Variants in TMEM223 observed in about 807,000 individuals in gnomAD.
TMEM223 encodes transmembrane protein 223.
In TMEM223, 14 loss-of-function variants were observed where a neutral mutation model predicts 14.1. The observed-to-expected ratio is 0.99, with a 90% CI of 0.66 to 1.55. The LOEUF is 1.55. Ranked by LOEUF, TMEM223 falls within the 40% of genes most tolerant of loss-of-function variation. The pLI, the probability that TMEM223 is intolerant of heterozygous loss-of-function variation, is 0.00. For missense variants in TMEM223, 346 were observed against 269.9 expected (o/e 1.28, Z -1.97); for synonymous variants, 145 against 120.5 (o/e 1.20, Z -1.33).
chr11:62,787,416 T>G (rs773560051), downstream of TMEM223: 4 of 1,557,740 alleles, frequency 2.6e-6, no homozygotes, highest in South Asian at 1.2e-5. Context: ...CGGCGCTTCC[T>G]GGTGGTCAGG....
At chr11:62,787,595 C>G, downstream of TMEM223, 3 of 1,440,026 alleles carry the variant, frequency 2.1e-6, no homozygotes, top group Non-Finnish European at 2.7e-6. Flanking sequence ...AGGCCACTTT[C>G]GCTTTCCGAC....
chr11:62,772,462 G>A (rs1565185473), intron 2 of TMEM223, among the ~76,000 whole-genome samples: 1 of 151,196 alleles, frequency 6.6e-6, no homozygotes, highest in Admixed American at 6.6e-5. Context: ...GGCAGAGGTT[G>A]TAGTGAGCCG....
chr11:62,781,886 C>G (rs780187358), intron 1 of TMEM223: 1 of 1,614,008 alleles, frequency 6.2e-7, no homozygotes, highest in South Asian at 1.1e-5. Context: ...CTGGGCCCTT[C>G]CTTTTAGGTT....
At chr11:62,787,898 A>G, downstream of TMEM223, 1 of 538,296 alleles carries the variant, frequency 1.9e-6, no homozygotes. Flanking sequence ...GTCGAGAAAT[A>G]AAGCATAGTG....
At chr11:62,787,224 C>T (rs779826240), downstream of TMEM223, 3 of 1,581,504 alleles carry the variant, frequency 1.9e-6, no homozygotes, top group Non-Finnish European at 2.6e-6. Flanking sequence ...AGAAACTGCC[C>T]ATGATCGGCC....
At position 62,791,782 on chromosome 11, in the gene TMEM223, C is replaced by G; in HGVS notation, c.213G>C (p.Pro71=). The G allele has an allele frequency of 6.4e-7, 1 of 1,568,676 alleles. No individual in the cohort carries two copies. Among genetic ancestry groups the G allele is most frequent in the East Asian group, 2.4e-5 (1 of 42,246 alleles). The change falls in exon 1 of 2, where the codon CCG becomes CCC. Residue 71 remains proline (P), a synonymous_variant. Coordinates refer to ENST00000307366, the MANE Select transcript of TMEM223 (RefSeq NM_001080501.3). ...CCGCATCCAGAGGCTGCACCGGAAC[C>G]GGGGGCCGGGACACGGCTGCCACAG... ...SMAVAAVSRP[P]VPVQPLDAEV...
At chr11:62,772,753 AAG>A (rs1393289970) in intron 2 of TMEM223, among the ~76,000 whole-genome samples, 1 of 151,302 alleles carries the variant, frequency 6.6e-6, no homozygotes, top group East Asian at 1.9e-4. Flanking sequence ...AGCCGAGATC[AAG>A]CCACTGCACT....
chr11:62,773,633 G>A (rs550387775), intron 2 of TMEM223, among the ~76,000 whole-genome samples: 1 of 151,916 alleles, frequency 6.6e-6, no homozygotes, highest in African/African-American at 2.4e-5. Flanking sequence ...TTGTAGTAGA[G>A]ATGGGGGTTT....
chr11:62,782,888 C>G, downstream of TMEM223: 1 of 1,592,176 alleles, frequency 6.3e-7, no homozygotes, highest in East Asian at 2.2e-5. Context: ...AAAAATAGTA[C>G]TTGTGCATCG....
chr11:62,788,652 C>T (rs909903017), downstream of TMEM223, among the ~76,000 whole-genome samples: 1 of 144,422 alleles, frequency 6.9e-6, no homozygotes, highest in African/African-American at 2.5e-5. Flanking sequence ...TGCAGTGAGC[C>T]GAGATGGCGC....
chr11:62,781,914 G>A (rs1245693717), intron 1 of TMEM223: 3 of 1,614,184 alleles, frequency 1.9e-6, no homozygotes, highest in Non-Finnish European at 1.7e-6. Flanking sequence ...AGGACTTGCA[G>A]ACGAACTCCA....
downstream of TMEM223, chr11:62,787,479 C>G (rs766300248): frequency 2.5e-6 from 4 of 1,578,774 alleles, no homozygotes; most frequent in Non-Finnish European, 3.4e-6. Flanking sequence ...TCTTTGCTGC[C>G]GCCTTCCTGT....
At chr11:62,790,940 T>G (rs1590945470) in intron 1 of TMEM223, 25 bp from the exon 2 acceptor site, 1 of 1,517,370 alleles carries the variant, frequency 6.6e-7, no homozygotes, top group African/African-American at 1.4e-5. Flanking sequence ...GAGATTGGGG[T>G]GAGGGGTTTT....
chr11:62,786,568 A>AGGGGTGGCC, downstream of TMEM223: 1 of 1,568,314 alleles, frequency 6.4e-7, no homozygotes, highest in Non-Finnish European at 8.6e-7. Flanking sequence ...AGAGCCCAAC[A>AGGGGTGGCC]GGGGTGGCCC....
At chr11:62,787,129 C>T, downstream of TMEM223, 7 of 1,560,938 alleles carry the variant, frequency 4.5e-6, no homozygotes, top group Non-Finnish European at 6.0e-6. Flanking sequence ...AGCCGGGCGG[C>T]AGGCTGGGAG....
At chr11:62,776,434 G>C in intron 1 of TMEM223, 1 of 1,613,854 alleles carries the variant, frequency 6.2e-7, no homozygotes, top group South Asian at 1.1e-5. Context: ...TGACGGTTGA[G>C]GACTTCAACA....
At chr11:62,786,363 G>C (rs770933367), downstream of TMEM223, 4 of 1,614,036 alleles carry the variant, frequency 2.5e-6, no homozygotes, top group East Asian at 8.9e-5. Context: ...AAAGCAGATG[G>C]ACACAAAGTC....
downstream of TMEM223, chr11:62,787,478 C>T (rs1329393861): frequency 1.9e-6 from 3 of 1,578,222 alleles, no homozygotes. Flanking sequence ...CTCTTTGCTG[C>T]CGCCTTCCTG....
chr11:62,774,599 T>C, exon 2 of TMEM223: 2 of 454,964 alleles, frequency 4.4e-6, no homozygotes, highest in Non-Finnish European at 4.4e-6. Context: ...GCCTACCTTC[T>C]GGTGCTGTGC....
Sources: gnomAD v4.1 joint callset for allele counts (sites outside exome capture counted in the v4.1 genomes callset) on GRCh38, gnomAD v4.1.1 for gene constraint, MANE v1.5 for transcripts, NCBI Gene and HGNC (gene_info 2026-07-23, HGNC 2026-07-21) for gene names.